The following CNTNAP3B variants were observed in gnomAD, a reference collection of about 807,000 sequenced individuals.
The protein encoded by CNTNAP3B is contactin associated protein family member 3B.
CNTNAP3B carries 25 observed loss-of-function variants against 108.9 expected under a neutral mutation model. The ratio of observed to expected loss-of-function variants is 0.23; its 90% CI spans 0.17 to 0.32. CNTNAP3B has a LOEUF of 0.32. CNTNAP3B is among the 10% of genes least tolerant of loss of function. CNTNAP3B has a pLI of 1.00. For synonymous variants in CNTNAP3B, 103 were observed against 473.4 expected (o/e 0.22, Z 10.16); for missense variants, 252 against 1,210.4 (o/e 0.21, Z 11.75).
At chr9:41,942,392 CGAG>C (rs1323149069) in intron 13 of CNTNAP3B, among the ~76,000 whole-genome samples, 2 of 152,070 alleles carry the variant, frequency 1.3e-5, no homozygotes, top group Non-Finnish European at 2.9e-5. Flanking sequence ...GGGCGGATCA[CGAG>C]GTCAGGAGAT....
chr9:42,124,787 C>G (rs1420254288), intron 1 of CNTNAP3B, among the ~76,000 whole-genome samples: 1 of 129,528 alleles, frequency 7.7e-6, no homozygotes, highest in Admixed American at 7.8e-5. Context: ...ATCCCAGTGC[C>G]AATTACATCT....
chr9:41,963,901 G>A (rs1164489821), intron 11 of CNTNAP3B, among the ~76,000 whole-genome samples: 5 of 152,308 alleles, frequency 3.3e-5, no homozygotes, highest in African/African-American at 1.2e-4. Context: ...TATATGCAAA[G>A]CAATAGCAGA....
At chr9:42,125,667 T>G (rs1587292455) in intron 1 of CNTNAP3B, among the ~76,000 whole-genome samples, 2 of 135,262 alleles carry the variant, frequency 1.5e-5, no homozygotes, top group South Asian at 2.4e-4. Flanking sequence ...CATTTTTTGT[T>G]TTTTTTTTTT....
At chr9:41,929,773 C>T (rs1823922445) in intron 14 of CNTNAP3B, among the ~76,000 whole-genome samples, 1 of 141,510 alleles carries the variant, frequency 7.1e-6, no homozygotes, top group South Asian at 2.3e-4. Flanking sequence ...GAATTTCATA[C>T]AAGTTTTATA....
Position 42,093,311 on chromosome 9 carries a change from C to T in CNTNAP3B, c.196+11318G>A, listed in dbSNP as rs867928758. 2.1e-4 allele frequency among the ~76,000 whole-genome samples: 20 copies of T among 96,092 alleles called. 6 individuals carry two copies. The highest frequency in any genetic ancestry group is 7.7e-4 in the African/African-American group (20 of 25,964). The allele number at this position is 96,092 out of a possible 152,430, so 63.0% of individuals were successfully genotyped here. A position where few individuals can be genotyped will look rare whatever the true frequency, so the allele number is the denominator to read the frequency against. ...AGTCAGCCGAGATCACGTCACTGCA[C>T]TCCAGCCTGGGTGACAGGGTGAGGC... On this transcript the variant is annotated intron_variant, in intron 2 of 23. Transcript: ENST00000377561.
At position 41,966,690 on chromosome 9, in the gene CNTNAP3B, G is replaced by A. The variant is rs1475262204; in HGVS notation, c.1650-2046C>T. Among the ~76,000 whole-genome samples the A allele has an allele frequency of 2.4e-4, 37 of 152,340 alleles. No homozygotes were observed. The South Asian group carries it at 4.4e-3, about 18-fold the overall frequency. ...TAAGAAGTTAAAACCTATCCTGGCT[G>A]GGTGTGGTGGCTCACGCCTGTAATC... On this transcript the variant is annotated intron_variant, in intron 10 of 23. Coordinates refer to ENST00000377561, the MANE Select transcript of CNTNAP3B (RefSeq NM_001201380.3).
At chr9:42,127,731 T>A (rs942979913) in intron 1 of CNTNAP3B, among the ~76,000 whole-genome samples, 1 of 139,268 alleles carries the variant, frequency 7.2e-6, no homozygotes, top group Admixed American at 7.1e-5. Context: ...CCGGAGCTTG[T>A]TTTTTCGAAG....
chr9:42,111,737 C>T lies in CNTNAP3B; in HGVS notation c.86-6998G>A, dbSNP rs1271274325. Among the ~76,000 whole-genome samples the T allele has an allele frequency of 7.4e-4, 103 of 138,600 alleles. 17 individuals carry two copies. Among genetic ancestry groups the T allele is most frequent in the African/African-American group, 2.9e-3 (102 of 34,804 alleles). 90.9% of individuals were successfully genotyped at this position (138,600 alleles called of 152,430 possible). ...CCCCACCCTTATCTTCCCTCTACAGCCAATAAATTGCCAAGGATTATGTAC... is the reference window on the plus strand; with the variant it reads ...CCCCACCCTTATCTTCCCTCTACAGTCAATAAATTGCCAAGGATTATGTAC... On this transcript the variant is annotated intron_variant, in intron 1 of 23. Coordinates refer to ENST00000377561, the MANE Select transcript of CNTNAP3B (RefSeq NM_001201380.3).
intron 1 of CNTNAP3B, among the ~76,000 whole-genome samples, chr9:42,111,224 A>G (rs1292337599): frequency 7.2e-6 from 1 of 139,732 alleles, no homozygotes; most frequent in Admixed American, 7.1e-5. Flanking sequence ...TAACAGCAGA[A>G]CTTGGGACTT....
chr9:41,941,645 C>T (rs2645635), intron 13 of CNTNAP3B, among the ~76,000 whole-genome samples: 5 of 120,234 alleles, frequency 4.2e-5, no homozygotes, highest in African/African-American at 1.7e-4. Flanking sequence ...GTTCTTCTTA[C>T]ACAGTTAAAG....
chr9:41,935,429 A>G (rs1322302373), intron 14 of CNTNAP3B, among the ~76,000 whole-genome samples: 3 of 152,304 alleles, frequency 2.0e-5, no homozygotes, highest in Non-Finnish European at 2.9e-5. Flanking sequence ...GGAAAACTTT[A>G]CTAAGCACAC....
chr9:41,916,403 A>T (rs1823518013), intron 18 of CNTNAP3B, among the ~76,000 whole-genome samples: 1 of 150,032 alleles, frequency 6.7e-6, no homozygotes, highest in African/African-American at 2.5e-5. Context: ...TTACCTGCAC[A>T]CTTACATTTA....
chr9:41,956,582 A>G (rs1261984976), intron 12 of CNTNAP3B, among the ~76,000 whole-genome samples: 1 of 150,882 alleles, frequency 6.6e-6, no homozygotes, highest in Non-Finnish European at 1.5e-5. Flanking sequence ...AGAAGAAAAA[A>G]GAAAATAAGA....
chr9:41,957,454 T>C, intron 12 of CNTNAP3B, among the ~76,000 whole-genome samples: 1 of 104,310 alleles, frequency 9.6e-6, no homozygotes, highest in Admixed American at 1.1e-4. Context: ...TCTCTTTGCT[T>C]TTCAGTTTTG....
intron 1 of CNTNAP3B, among the ~76,000 whole-genome samples, chr9:42,116,557 C>T (rs1828321902): frequency 7.3e-6 from 1 of 137,688 alleles, no homozygotes; most frequent in South Asian, 2.4e-4. Flanking sequence ...CAGTACCAGC[C>T]ACTGCAAAAA....
rs1221791678 is a variant in CNTNAP3B at position 42,104,731 on chromosome 9, C to A, written c.94G>T (p.Asp32Tyr). The change falls in exon 2 of 24, where the codon GAT (aspartate) becomes TAT (tyrosine). Residue 32 changes from aspartate to tyrosine, a missense_variant. Coordinates refer to ENST00000377561, the MANE Select transcript of CNTNAP3B (RefSeq NM_001201380.3). ...PVGAGNPPDC[D>Y]SPLASALPRS... ...GGCAAGGCAGAGGCCAGTGGGGAAT[C>A]ACAGTCAGCTGCCAGGAAAAATACC... 1 of 1,100,560 alleles carries A rather than the reference C, an allele frequency of 9.1e-7. No homozygotes were observed. 68.2% of individuals were successfully genotyped at this position (1,100,560 alleles called of 1,614,324 possible).
chr9:42,041,844 C>A (rs1300241783), intron 3 of CNTNAP3B, among the ~76,000 whole-genome samples: 1 of 144,706 alleles, frequency 6.9e-6, no homozygotes, highest in Non-Finnish European at 1.5e-5. Context: ...CCCAAATGTC[C>A]ATCAATGACA....
chr9:42,057,204 CTTT>C (rs200761397), intron 3 of CNTNAP3B, among the ~76,000 whole-genome samples: 15 of 19,780 alleles, frequency 7.6e-4, no homozygotes, highest in African/African-American at 3.0e-3. Context: ...TTATTATGTA[CTTT>C]TTTTTTTTTT....
intron 14 of CNTNAP3B, among the ~76,000 whole-genome samples, chr9:41,937,808 CAG>C (rs1824203739): frequency 6.6e-6 from 1 of 151,886 alleles, no homozygotes; most frequent in South Asian, 2.1e-4. Flanking sequence ...CAGGACCTCT[CAG>C]AGTTTCTTGT....
Sources: gnomAD v4.1 joint callset for allele counts (sites outside exome capture counted in the v4.1 genomes callset) on GRCh38, gnomAD v4.1.1 for gene constraint, MANE v1.5 for transcripts, NCBI Gene and HGNC (gene_info 2026-07-23, HGNC 2026-07-21) for gene names.